Variants in ANKS1B observed in about 807,000 individuals in gnomAD.
ANKS1B encodes the protein ankyrin repeat and sterile alpha motif domain containing 1B, also known as ankyrin repeat and sterile alpha motif domain-containing protein 1B.
ANKS1B carries 36 observed loss-of-function variants against 148.3 expected under a neutral mutation model. The observed-to-expected ratio is 0.24, with a 90% CI of 0.19 to 0.32. The LOEUF (loss-of-function observed/expected upper bound fraction) is 0.32. ANKS1B is among the 10% of genes least tolerant of loss of function. The probability of loss-of-function intolerance (pLI) is 1.00; values close to 1 mark genes in which losing one functional copy is unlikely to be tolerated. For missense variants in ANKS1B, 1,157 were observed against 1,542.6 expected, an observed-to-expected ratio of 0.75 and a Z score of 4.19; for synonymous variants, 542 against 560.8, an observed-to-expected ratio of 0.97 and a Z score of 0.47.
chr12:98,887,313 T>C (rs1452036145), intron 17 of ANKS1B, among the ~76,000 whole-genome samples: 1 of 151,982 alleles, frequency 6.6e-6, no homozygotes, highest in East Asian at 1.9e-4. Flanking sequence ...CAAGGTTTTT[T>C]ATCTACACAG....
At chr12:99,420,711 AC>A (rs1412497574) in intron 11 of ANKS1B, among the ~76,000 whole-genome samples, 1 of 152,218 alleles carries the variant, frequency 6.6e-6, no homozygotes. Context: ...GTTAAAAAAT[AC>A]ATAAACTCAG....
At chr12:99,275,067 G>A (rs2077505709) in intron 12 of ANKS1B, among the ~76,000 whole-genome samples, 1 of 152,054 alleles carries the variant, frequency 6.6e-6, no homozygotes, top group South Asian at 2.1e-4. Context: ...AAATTTTTGT[G>A]GGTAGATAGT....
chr12:99,104,466 C>T (rs759252310), intron 15 of ANKS1B: 1 of 152,116 alleles, frequency 6.6e-6, no homozygotes. Context: ...CCTCTAGGCC[C>T]GATTTTGGCA....
At chr12:99,168,831 T>G (rs929507252) in intron 14 of ANKS1B, among the ~76,000 whole-genome samples, 1 of 152,198 alleles carries the variant, frequency 6.6e-6, no homozygotes, top group East Asian at 1.9e-4. Flanking sequence ...TCTTGTGTAT[T>G]GCATAGCCAT....
chr12:99,668,017 C>G (rs1046636489), intron 8 of ANKS1B, among the ~76,000 whole-genome samples: 12 of 152,042 alleles, frequency 7.9e-5, no homozygotes, highest in Non-Finnish European at 1.5e-4. Flanking sequence ...TGTGAAATGT[C>G]TTTGTTATCA....
rs572278358 is a variant in ANKS1B at position 98,771,684 on chromosome 12, T to C, written c.3579+1358A>G. ...TGTAGAGATGGGGTTTCATCATGTT[T>C]CTCAGGCTCATCTTCAACTCCTGAG... On this transcript the variant is annotated intron_variant, in intron 25 of 26. Transcript: ENST00000683438. Among the ~76,000 whole-genome samples, 100 of 152,118 alleles carry C rather than the reference T, an allele frequency of 6.6e-4. 1 individual carries two copies. Among genetic ancestry groups the C allele is most frequent in the Non-Finnish European group, 5.9e-4 (40 of 68,016 alleles).
At chr12:99,928,283 T>TTA (rs1207349244) in intron 1 of ANKS1B, among the ~76,000 whole-genome samples, 1 of 149,904 alleles carries the variant, frequency 6.7e-6, no homozygotes, top group South Asian at 2.1e-4. Context: ...TTTTTTTTTT[T>TTA]TTTTTTGAGA....
At chr12:98,840,016 T>C (rs901008232) in intron 17 of ANKS1B, among the ~76,000 whole-genome samples, 7 of 152,148 alleles carry the variant, frequency 4.6e-5, no homozygotes, top group Non-Finnish European at 1.0e-4. Flanking sequence ...CCTGAATGCA[T>C]CTAGCTCACG....
intron 17 of ANKS1B, among the ~76,000 whole-genome samples, chr12:98,852,551 A>T (rs938584439): frequency 1.3e-5 from 2 of 152,158 alleles, no homozygotes; most frequent in African/African-American, 2.4e-5. Context: ...AAAGTGGGCA[A>T]GGGAGGACAA....
intron 1 of ANKS1B, among the ~76,000 whole-genome samples, chr12:99,961,714 A>G (rs536004317): frequency 5.3e-5 from 8 of 152,326 alleles, no homozygotes; most frequent in Admixed American, 1.3e-4. Flanking sequence ...ATAATACTAT[A>G]GATTAGATTG....
intron 9 of ANKS1B, among the ~76,000 whole-genome samples, chr12:99,628,363 G>A (rs1224773033): frequency 6.6e-6 from 1 of 152,026 alleles, no homozygotes; most frequent in African/African-American, 2.4e-5. Context: ...TCTGGTTTCT[G>A]TTTCTAAGAA....
chr12:99,390,053 CT>C (rs1371020272), intron 12 of ANKS1B, among the ~76,000 whole-genome samples: 2 of 152,134 alleles, frequency 1.3e-5, no homozygotes, highest in African/African-American at 4.8e-5. Flanking sequence ...CACCCGGGTG[CT>C]CTGCAATTTG....
At chr12:99,052,323 C>G (rs116663197) in intron 17 of ANKS1B, among the ~76,000 whole-genome samples, 2 of 152,110 alleles carry the variant, frequency 1.3e-5, no homozygotes, top group Non-Finnish European at 2.9e-5. Context: ...ACAGAGACAA[C>G]GTAAGATTAG....
intron 11 of ANKS1B, among the ~76,000 whole-genome samples, chr12:99,425,077 G>A (rs1594562806): frequency 6.6e-6 from 1 of 152,006 alleles, no homozygotes; most frequent in East Asian, 1.9e-4. Context: ...CTGTGATTCT[G>A]GGGGCTGCCC....
At chr12:99,036,360 C>A (rs1034899976) in intron 17 of ANKS1B, among the ~76,000 whole-genome samples, 1 of 151,362 alleles carries the variant, frequency 6.6e-6, no homozygotes, top group African/African-American at 2.4e-5. Flanking sequence ...TAACTCAAGA[C>A]CCAAACTGTT....
At chr12:98,895,460 G>A (rs1263552015) in intron 17 of ANKS1B, among the ~76,000 whole-genome samples, 1 of 152,240 alleles carries the variant, frequency 6.6e-6, no homozygotes. Flanking sequence ...GAGAGAGGAG[G>A]ACGAGGAGGG....
chr12:99,479,542 C>T (rs188137242), intron 10 of ANKS1B, among the ~76,000 whole-genome samples: 74 of 151,912 alleles, frequency 4.9e-4, no homozygotes, highest in Admixed American at 1.8e-3. Flanking sequence ...TACTGTTGAG[C>T]CTTAATAAAA....
chr12:99,516,401 A>T (rs1304347896), intron 9 of ANKS1B, among the ~76,000 whole-genome samples: 1 of 152,128 alleles, frequency 6.6e-6, no homozygotes, highest in Non-Finnish European at 1.5e-5. Flanking sequence ...ACAGAATACT[A>T]TGCACCCATA....
At position 99,095,613 on chromosome 12, in the gene ANKS1B, G is replaced by T. The variant is rs56996439; in HGVS notation, c.2527-10590C>A. The stretch of plus-strand genomic sequence containing the variant: ...TCTCTCCATCTTTTGCATCTAAGTT[G>T]CTCTGACTAGTGTTTATCTGTCAGT... On this transcript the variant is annotated intron_variant, in intron 15 of 26. Transcript: ENST00000683438. 4.0e-3 allele frequency among the ~76,000 whole-genome samples: 614 copies of T among 152,278 alleles called. 25 individuals carry two copies. The East Asian group carries it at 0.085, about 21-fold the overall frequency.
Sources: gnomAD v4.1 joint callset for allele counts (sites outside exome capture counted in the v4.1 genomes callset) on GRCh38, gnomAD v4.1.1 for gene constraint, MANE v1.5 for transcripts, NCBI Gene and HGNC (gene_info 2026-07-23, HGNC 2026-07-21) for gene names.